The following AK9 variants were observed in gnomAD, a reference collection of about 807,000 sequenced individuals.
The protein encoded by AK9 is adenylate kinase domain containing 1.
A neutral mutation model predicts 239.6 loss-of-function variants in AK9; 191 were observed. The observed-to-expected ratio is 0.80, with a 90% CI of 0.71 to 0.90. The LOEUF (loss-of-function observed/expected upper bound fraction) is 0.90. Ranked by LOEUF, AK9 falls within the 40% of genes least tolerant of loss-of-function variation. The pLI, the probability that AK9 is intolerant of heterozygous loss-of-function variation, is 0.00. For synonymous variants in AK9, 689 were observed against 721.0 expected (o/e 0.96, Z 0.71); for missense variants, 1,995 against 2,214.7 (o/e 0.90, Z 1.99).
intron 27 of AK9, among the ~76,000 whole-genome samples, chr6:109,540,591 G>A (rs930692012): frequency 6.6e-6 from 1 of 152,192 alleles, no homozygotes; most frequent in Admixed American, 6.5e-5. Flanking sequence ...CTCACGCTCA[G>A]TGGGCTGCAC....
chr6:109,568,256 C>T (rs1449481944), intron 21 of AK9, among the ~76,000 whole-genome samples: 1 of 152,044 alleles, frequency 6.6e-6, no homozygotes, highest in Non-Finnish European at 1.5e-5. Flanking sequence ...TCTCAATAAA[C>T]TAGTTATTGA....
intron 29 of AK9, among the ~76,000 whole-genome samples, 167 bp from the exon 30 acceptor site, chr6:109,516,809 G>A (rs944690818): frequency 5.3e-5 from 8 of 152,076 alleles, no homozygotes; most frequent in African/African-American, 1.9e-4. Flanking sequence ...ACTTTTGGGG[G>A]TGTTATAGAA....
intron 1 of AK9, among the ~76,000 whole-genome samples, chr6:109,677,742 C>T (rs564982473): frequency 5.5e-4 from 84 of 152,118 alleles, no homozygotes; most frequent in African/African-American, 1.9e-3. Flanking sequence ...TATCATGATC[C>T]AATTGGAAAA....
At chr6:109,493,953 G>T (rs758174718) in intron 40 of AK9, 28 bp downstream of exon 40, 2 of 1,489,882 alleles carry the variant, frequency 1.3e-6, no homozygotes, top group Admixed American at 3.5e-5. Context: ...AATTTGTTCT[G>T]AGTAGTAAAT....
chr6:109,685,583 T>TG (rs1321812541), intron 1 of AK9, among the ~76,000 whole-genome samples: 4 of 128,914 alleles, frequency 3.1e-5, no homozygotes, highest in African/African-American at 9.0e-5. Context: ...CTTTCGGGGG[T>TG]GGGGGGCTAT....
chr6:109,631,519 G>T (rs961508784), intron 12 of AK9, among the ~76,000 whole-genome samples: 11 of 152,146 alleles, frequency 7.2e-5, no homozygotes, highest in African/African-American at 1.4e-4. Flanking sequence ...GAATTAGAAA[G>T]ACCGACCATA....
chr6:109,514,402 A>G lies in AK9; in HGVS notation c.4101T>C (p.Asn1367=). The part of the protein sequence containing the change: ...SEGETIKPVE[N]AENPIYPVIH... ...TTACAGGATAAATTGGATTCTCTGCATTTTCAACTGGCTTGATTGTCTCTC... is the reference window on the plus strand; with the variant it reads ...TTACAGGATAAATTGGATTCTCTGCGTTTTCAACTGGCTTGATTGTCTCTC... Residue 1367 remains asparagine (N), a synonymous_variant, in exon 32 of 41, where the codon AAT becomes AAC. Coordinates refer to ENST00000424296, the MANE Select transcript of AK9 (RefSeq NM_001145128.3). 1 of 1,549,746 alleles carries G rather than the reference A, an allele frequency of 6.5e-7. No homozygotes were observed. Among genetic ancestry groups the G allele is most frequent in the South Asian group, 1.2e-5 (1 of 83,840 alleles).
At chr6:109,493,685 C>A in intron 40 of AK9, 114 bp from the exon 41 acceptor site, 1 of 921,474 alleles carries the variant, frequency 1.1e-6, no homozygotes, top group Non-Finnish European at 1.6e-6. Context: ...GAGAAGATAT[C>A]CAAATCCCAA....
chr6:109,651,009 C>T (rs1197123622), intron 8 of AK9, among the ~76,000 whole-genome samples: 1 of 152,000 alleles, frequency 6.6e-6, no homozygotes, highest in Admixed American at 6.6e-5. Flanking sequence ...CATGTTCTCA[C>T]TCATAGGTGG....
Position 109,644,616 on chromosome 6 carries a change from T to G in AK9, c.832A>C (p.Met278Leu). ...NGNKPAEELF[M>L]IVMDRLKYLN... ...TTCCTGCTTAACACTGCACTCACCA[T>G]AAAGAGCTCCTCTGCTGGTTTATTT... The change falls in exon 9 of 41, where the codon ATG (methionine) becomes CTG (leucine). Residue 278 changes from methionine (M) to leucine (L), a missense_variant and splice_region_variant. By Grantham distance (15) the Met-to-Leu change is conservative. Transcript: ENST00000424296. 6.2e-7 allele frequency: 1 copy of G among 1,610,564 alleles called. No homozygotes were observed.
At chr6:109,579,772 G>T in intron 19 of AK9, 146 bp from the exon 20 acceptor site, 1 of 701,512 alleles carries the variant, frequency 1.4e-6, no homozygotes. Context: ...TACTCATGTT[G>T]AGACTAGTTA....
intron 5 of AK9, among the ~76,000 whole-genome samples, chr6:109,663,762 T>C (rs1800783023): frequency 6.6e-6 from 1 of 152,232 alleles, no homozygotes; most frequent in East Asian, 1.9e-4. Flanking sequence ...TGGATTTTAA[T>C]GTAACCAAGT....
chr6:109,667,380 ATTATT>A (rs1202352699), intron 5 of AK9, among the ~76,000 whole-genome samples: 1 of 151,360 alleles, frequency 6.6e-6, no homozygotes, highest in Non-Finnish European at 1.5e-5. Context: ...CATTTGCTTA[ATTATT>A]TTTTCTTTTG....
Position 109,550,113 on chromosome 6 carries a change from C to G in AK9, c.2941G>C (p.Val981Leu), listed in dbSNP as rs997368958. Residue 981 changes from valine (V) to leucine (L), a missense_variant, in exon 25 of 41, where the codon GTG (valine) becomes CTG (leucine). Val to Leu is a conservative substitution (Grantham distance 32). Coordinates refer to ENST00000424296, the MANE Select transcript of AK9 (RefSeq NM_001145128.3). ...EKFLEHPEDY[V>L]AHEEPLKAPP... ...ACCTTCAATGGTTCTTCATGAGCCACATAATCCTCAGGATGCTCCAAAAAC... is the reference window on the plus strand; with the variant it reads ...ACCTTCAATGGTTCTTCATGAGCCAGATAATCCTCAGGATGCTCCAAAAAC... The G allele has an allele frequency of 1.9e-6, 3 of 1,613,926 alleles. No individual in the cohort carries two copies. In the East Asian group the frequency reaches 6.7e-5, roughly 36 times the overall value.
rs771301863 is a variant in AK9, at chr6:109,619,141, A to C, written c.1350T>G (p.Ile450Met). The C allele has an allele frequency of 1.4e-5, 22 of 1,546,780 alleles. No homozygotes were observed. The highest frequency in any genetic ancestry group is 6.0e-5 in the South Asian group (5 of 83,310). ...TGAGAAGCTTTTCTTTCACAACTTTAATTGCTGCTGCAGTGGCCTCAGCTA... is the reference window on the plus strand; with the variant it reads ...TGAGAAGCTTTTCTTTCACAACTTTCATTGCTGCTGCAGTGGCCTCAGCTA... ...NTIAEATAAA[I>M]KVVKEKLLRE... Residue 450 changes from isoleucine (I) to methionine (M), a missense_variant, in exon 13 of 41, where the codon ATT (isoleucine) becomes ATG (methionine). Ile to Met is a conservative substitution (Grantham distance 10). Transcript: ENST00000424296.
chr6:109,531,367 G>A (rs1582867523), intron 28 of AK9, among the ~76,000 whole-genome samples: 1 of 151,888 alleles, frequency 6.6e-6, no homozygotes, highest in Non-Finnish European at 1.5e-5. Context: ...GGAAAGGAAG[G>A]GGCAAATGCC....
At chr6:109,597,139 C>T (rs1425674562) in intron 17 of AK9, among the ~76,000 whole-genome samples, 2 of 151,992 alleles carry the variant, frequency 1.3e-5, no homozygotes, top group African/African-American at 4.8e-5. Flanking sequence ...GATTAGATTC[C>T]TCACATGACT....
At chr6:109,623,899 ACAC>A (rs1285936080) in intron 12 of AK9, among the ~76,000 whole-genome samples, 2 of 148,662 alleles carry the variant, frequency 1.3e-5, no homozygotes, top group African/African-American at 5.1e-5. Context: ...ACACACACAC[ACAC>A]ACATTTCTTC....
chr6:109,564,670 C>T, intron 22 of AK9, 86 bp downstream of exon 22: 1 of 976,238 alleles, frequency 1.0e-6, no homozygotes, highest in South Asian at 1.8e-5. Flanking sequence ...GTATGACGCA[C>T]CTACTATGCC....
Sources: gnomAD v4.1 joint callset for allele counts (sites outside exome capture counted in the v4.1 genomes callset) on GRCh38, gnomAD v4.1.1 for gene constraint, MANE v1.5 for transcripts, NCBI Gene and HGNC (gene_info 2026-07-23, HGNC 2026-07-21) for gene names.